The following AGBL1 variants were observed in gnomAD, a reference collection of about 807,000 sequenced individuals.
AGBL1 encodes the protein AGBL carboxypeptidase 1.
In AGBL1, 130 loss-of-function variants were observed where a neutral mutation model predicts 118.9. That is an observed-to-expected ratio of 1.09 (90% CI 0.95 to 1.26). The LOEUF is 1.26. Among genes scored for constraint, AGBL1 ranks in the 50% most tolerant of loss-of-function variants. The pLI, the probability that AGBL1 is intolerant of heterozygous loss-of-function variation, is 0.00. For missense variants in AGBL1, 1,584 were observed against 1,298.1 expected, an observed-to-expected ratio of 1.22 and a Z score of -3.38; for synonymous variants, 555 against 478.9, an observed-to-expected ratio of 1.16 and a Z score of -2.08.
intron 22 of AGBL1, among the ~76,000 whole-genome samples, chr15:86,790,630 T>C (rs2078479081): frequency 6.6e-6 from 1 of 152,158 alleles, no homozygotes; most frequent in Admixed American, 6.5e-5. Flanking sequence ...TTATGGGAAA[T>C]GATTTCCATT....
chr15:86,829,125 G>A (rs894288656), intron 22 of AGBL1, among the ~76,000 whole-genome samples: 62 of 152,096 alleles, frequency 4.1e-4, no homozygotes, highest in Non-Finnish European at 1.3e-4. Flanking sequence ...ACAGAGCCTC[G>A]TGGGGTGATG....
exon 24 of AGBL1, chr15:86,988,035 C>G (rs201822115): frequency 1.4e-4 from 222 of 1,613,502 alleles, no homozygotes; most frequent in Non-Finnish European, 1.8e-4. Context: ...TTGCTTACCA[C>G]TTTTTTGCCA....
chr15:86,429,458 T>C (rs2081908377), intron 18 of AGBL1, among the ~76,000 whole-genome samples: 1 of 152,248 alleles, frequency 6.6e-6, no homozygotes. Context: ...GCATTGAGCA[T>C]AATAGACTGT....
intron 18 of AGBL1, among the ~76,000 whole-genome samples, chr15:86,422,277 C>T (rs2081801843): frequency 6.6e-6 from 1 of 152,156 alleles, no homozygotes; most frequent in African/African-American, 2.4e-5. Flanking sequence ...CAAATTAGAT[C>T]TCGGGATTAA....
chr15:86,735,900 T>G (rs765644699), intron 22 of AGBL1, among the ~76,000 whole-genome samples: 3 of 152,078 alleles, frequency 2.0e-5, no homozygotes, highest in Admixed American at 1.3e-4. Context: ...AGAAATGAGA[T>G]ACGACTTTTA....
At chr15:86,258,611 G>A (rs1724191111) in intron 9 of AGBL1, among the ~76,000 whole-genome samples, 1 of 152,202 alleles carries the variant, frequency 6.6e-6, no homozygotes, top group Non-Finnish European at 1.5e-5. Context: ...TTTAGGCTTT[G>A]TGGACCATAC....
intron 21 of AGBL1, among the ~76,000 whole-genome samples, chr15:86,661,402 C>T (rs1320934264): frequency 2.0e-5 from 3 of 151,932 alleles, no homozygotes; most frequent in Non-Finnish European, 4.4e-5. Context: ...AAAACAGAGT[C>T]ATGTACATAG....
At chr15:87,001,187 G>T (rs903423818) in intron 24 of AGBL1, among the ~76,000 whole-genome samples, 1 of 148,638 alleles carries the variant, frequency 6.7e-6, no homozygotes, top group African/African-American at 2.5e-5. Context: ...GGGACAATTT[G>T]ACTTCCTCTT....
chr15:86,844,209 T>C (rs1458831234), intron 22 of AGBL1, among the ~76,000 whole-genome samples: 1 of 152,176 alleles, frequency 6.6e-6, no homozygotes, highest in Non-Finnish European at 1.5e-5. Context: ...ATACTAATCA[T>C]TGTGTGGACA....
intron 21 of AGBL1, among the ~76,000 whole-genome samples, chr15:86,597,327 T>C (rs1659585595): frequency 6.6e-6 from 1 of 152,220 alleles, no homozygotes; most frequent in African/African-American, 2.4e-5. Flanking sequence ...TAGAGCTTCT[T>C]ACGCCAGCTT....
chr15:86,772,808 G>A (rs938576892), intron 22 of AGBL1, among the ~76,000 whole-genome samples: 30 of 152,196 alleles, frequency 2.0e-4, no homozygotes, highest in African/African-American at 5.8e-4. Context: ...TGAGAACAGA[G>A]AAATACTTTG....
rs115680584 is a variant in AGBL1, at chr15:86,978,291, G to T, written c.3222-9696G>T. Among the ~76,000 whole-genome samples, 862 of 152,280 alleles carry T rather than the reference G, an allele frequency of 5.7e-3. 13 individuals are homozygous for T. The highest frequency in any genetic ancestry group is 0.02 in the African/African-American group (815 of 41,554). ...AAAGTAGATCTTCTTCCTAGGTTAG[G>T]GGAATAGGGTCAATGGAATTGACCA... On this transcript the variant is annotated intron_variant, in intron 23 of 24. Coordinates refer to the AGBL1 transcript ENST00000441037.
chr15:86,095,516 A>C lies in AGBL1; in HGVS notation c.51+15493A>C, dbSNP rs140199816. ...GCTCTGTGTCAGGGACCAGGGACTA[A>C]GACCAAATATTATAACAAAAGATAC... On this transcript the variant is annotated intron_variant, in intron 1 of 22. Transcript: ENST00000614907. Among the ~76,000 whole-genome samples, 29 of 152,260 alleles carry C rather than the reference A, an allele frequency of 1.9e-4. No homozygotes were observed. In the East Asian group the frequency reaches 5.0e-3, roughly 26 times the overall value.
chr15:86,738,285 A>C (rs2077629449), intron 22 of AGBL1, among the ~76,000 whole-genome samples: 1 of 152,220 alleles, frequency 6.6e-6, no homozygotes, highest in Admixed American at 6.5e-5. Context: ...CTTGAATGAG[A>C]AAAAATTGAA....
chr15:86,345,435 C>G (rs1487150632), intron 17 of AGBL1, among the ~76,000 whole-genome samples: 1 of 152,142 alleles, frequency 6.6e-6, no homozygotes, highest in South Asian at 2.1e-4. Context: ...GTGAACACAA[C>G]AGAAATTTAT....
chr15:86,179,579 A>C (rs2062229662), intron 5 of AGBL1, among the ~76,000 whole-genome samples: 1 of 152,222 alleles, frequency 6.6e-6, no homozygotes, highest in Admixed American at 6.5e-5. Flanking sequence ...ACATCTATGA[A>C]AACTGTTAAG....
intron 22 of AGBL1, among the ~76,000 whole-genome samples, chr15:86,817,463 TACACACACACACAC>T (rs143498374): frequency 3.7e-5 from 5 of 133,490 alleles, no homozygotes; most frequent in African/African-American, 5.8e-5. Flanking sequence ...CTCTGAGAGA[TACACACACACACAC>T]ACACACACAC....
At chr15:86,481,341 A>T (rs2082649335) in intron 18 of AGBL1, among the ~76,000 whole-genome samples, 1 of 152,084 alleles carries the variant, frequency 6.6e-6, no homozygotes, top group Non-Finnish European at 1.5e-5. Context: ...CTTGTTCTGG[A>T]TCACACAAAG....
chr15:86,522,841 AACAG>A lies in AGBL1; in HGVS notation c.2591_2594del (p.Arg864AsnfsTer23), dbSNP rs1567038553. On this transcript the variant is annotated frameshift_variant, in exon 19 of 23. Transcript: ENST00000614907. LOFTEE classifies it high-confidence loss of function. ...ATGCTCACTGAGCGGGGAAGATTTG[AACAG>A]ACAATGGCTTTCTCCCAGTGCTCAT... is the stretch of plus-strand genomic sequence containing the variant. The A allele has an allele frequency of 1.9e-6, 3 of 1,613,830 alleles. No homozygotes were observed. Among genetic ancestry groups the A allele is most frequent in the Non-Finnish European group, 2.5e-6 (3 of 1,179,746 alleles).
Sources: gnomAD v4.1 joint callset for allele counts (sites outside exome capture counted in the v4.1 genomes callset) on GRCh38, gnomAD v4.1.1 for gene constraint, MANE v1.5 for transcripts, NCBI Gene and HGNC (gene_info 2026-07-23, HGNC 2026-07-21) for gene names.